ADAMTS2: variants seen among roughly 807,000 people sequenced by gnomAD.
ADAMTS2 encodes ADAM metallopeptidase with thrombospondin type 1 motif 2.
ADAMTS2 carries 50 observed loss-of-function variants against 123.0 expected under a neutral mutation model. That is an observed-to-expected ratio of 0.41 (90% confidence interval 0.32 to 0.51). The LOEUF (loss-of-function observed/expected upper bound fraction) is 0.51, where lower values mean the gene tolerates loss of function less well. ADAMTS2 is among the 20% of genes least tolerant of loss of function. The pLI, the probability that ADAMTS2 is intolerant of heterozygous loss-of-function variation, is 0.35. For missense variants in ADAMTS2, 1,494 were observed against 1,705.2 expected, an observed-to-expected ratio of 0.88 and a Z score of 2.18; for synonymous variants, 678 against 695.4, an observed-to-expected ratio of 0.98 and a Z score of 0.39.
At chr5:179,261,493 C>T (rs35932911) in intron 3 of ADAMTS2, among the ~76,000 whole-genome samples, 5,968 of 152,242 alleles carry the variant, frequency 0.039, 153 homozygotes, top group East Asian at 0.11. Context: ...GGCTCGAGCG[C>T]GTCTGGGCTG....
rs568040559 is a variant in ADAMTS2, at chr5:179,345,258, G to GGCA, written c.68_70dup (p.Leu23dup). On this transcript the variant is annotated inframe_insertion, in exon 1 of 22. Coordinates refer to ENST00000251582, the MANE Select transcript of ADAMTS2 (RefSeq NM_014244.5). The surrounding 1 kb of genome is among the most constrained non-coding windows in gnomAD (Gnocchi z 7.5). ...CGGCGGCGGCGGCAGGAGCGGCGGCGGCAGCAGCAGCAGCAGCAGCAGCAG... is the reference window on the plus strand; with the variant it reads ...CGGCGGCGGCGGCAGGAGCGGCGGCGGCAGCAGCAGCAGCAGCAGCAGCAGCAG... 0.14 allele frequency: 162,244 copies of GGCA among 1,134,850 alleles called. 8,203 individuals carry two copies. The highest frequency in any genetic ancestry group is 0.3 in the East Asian group (6,313 of 20,714). The allele number at this position is 1,134,850 out of a possible 1,614,324, so 70.3% of individuals were successfully genotyped here.
chr5:179,331,148 G>A (rs1757465585), intron 2 of ADAMTS2, among the ~76,000 whole-genome samples: 1 of 151,290 alleles, frequency 6.6e-6, no homozygotes, highest in Admixed American at 6.6e-5. Context: ...TACAGGTGCA[G>A]AGTGCAGCTG....
At chr5:179,229,504 G>A (rs571127807) in intron 3 of ADAMTS2, among the ~76,000 whole-genome samples, 10 of 151,568 alleles carry the variant, frequency 6.6e-5, no homozygotes, top group East Asian at 3.9e-4. Context: ...GCCCATTCCC[G>A]ACGGAGAGGT....
chr5:179,229,463 G>A (rs567092469), intron 3 of ADAMTS2, among the ~76,000 whole-genome samples: 13 of 126,014 alleles, frequency 1.0e-4, no homozygotes, highest in African/African-American at 3.7e-4. Context: ...ACGAGACCCT[G>A]CTGCCCACTC....
At chr5:179,144,429 A>T (rs1374799481) in intron 10 of ADAMTS2, among the ~76,000 whole-genome samples, 1 of 152,218 alleles carries the variant, frequency 6.6e-6, no homozygotes, top group Non-Finnish European at 1.5e-5. Flanking sequence ...CCTAAAATTC[A>T]TATGGAAAGT....
rs1008556877 is a variant in ADAMTS2 at position 179,130,454 on chromosome 5, G to T, written c.2291-356C>A. Among the ~76,000 whole-genome samples the T allele has an allele frequency of 6.6e-6, 1 of 152,234 alleles. No homozygotes were observed. Among genetic ancestry groups the T allele is most frequent in the Admixed American group, 6.5e-5 (1 of 15,286 alleles). On this transcript the variant is annotated intron_variant, in intron 15 of 21. Coordinates refer to ENST00000251582, the MANE Select transcript of ADAMTS2 (RefSeq NM_014244.5). This position sits in a 1 kb window ranked among gnomAD's most constrained non-coding sequence, Gnocchi z 4.3. ...CACCCGGGGCAGGATGGCTGGGAGG[G>T]GTCTGTACGCGGTGCAGGGCATCTG... is the stretch of plus-strand genomic sequence containing the variant.
At chr5:179,254,756 G>C (rs980312614) in intron 3 of ADAMTS2, among the ~76,000 whole-genome samples, 1 of 152,180 alleles carries the variant, frequency 6.6e-6, no homozygotes, top group Admixed American at 6.5e-5. Context: ...AATATATTTT[G>C]GCTGAAAGAA....
chr5:179,220,277 G>C (rs1765096854), intron 3 of ADAMTS2, among the ~76,000 whole-genome samples: 1 of 152,214 alleles, frequency 6.6e-6, no homozygotes. Context: ...ACGCAGAGGA[G>C]GTGGGGGCCG....
At chr5:179,291,473 C>G (rs1430105188) in intron 2 of ADAMTS2, among the ~76,000 whole-genome samples, 1 of 152,182 alleles carries the variant, frequency 6.6e-6, no homozygotes, top group Non-Finnish European at 1.5e-5. Flanking sequence ...TTCCCGTGTC[C>G]TCTCTTGCCT....
intron 10 of ADAMTS2, among the ~76,000 whole-genome samples, chr5:179,144,639 A>G (rs1763224296): frequency 1.3e-5 from 2 of 152,246 alleles, no homozygotes. Context: ...TGACAATTCA[A>G]TGGAAAAGGA....
chr5:179,156,398 C>T (rs551530241), intron 6 of ADAMTS2, among the ~76,000 whole-genome samples: 25 of 150,040 alleles, frequency 1.7e-4, no homozygotes, highest in African/African-American at 5.7e-4. Context: ...CTCACTCTGC[C>T]GTCCAGGCTG....
chr5:179,178,934 T>C (rs528010255), intron 5 of ADAMTS2, among the ~76,000 whole-genome samples: 1 of 152,330 alleles, frequency 6.6e-6, no homozygotes, highest in East Asian at 1.9e-4. Flanking sequence ...TTTATTAGTG[T>C]TCCAAATAGT....
chr5:179,300,108 A>AG (rs1178643479), intron 2 of ADAMTS2, among the ~76,000 whole-genome samples: 1 of 151,586 alleles, frequency 6.6e-6, no homozygotes, highest in South Asian at 2.1e-4. Flanking sequence ...AAAAAAAAAA[A>AG]AAAAAGAAGA....
chr5:179,206,856 A>G (rs1764709727), intron 4 of ADAMTS2, among the ~76,000 whole-genome samples: 1 of 152,168 alleles, frequency 6.6e-6, no homozygotes, highest in Admixed American at 6.5e-5. Context: ...TCTTAGTGTT[A>G]GGCAGACCAT....
chr5:179,280,468 A>G (rs936236008), intron 2 of ADAMTS2, among the ~76,000 whole-genome samples: 2 of 152,206 alleles, frequency 1.3e-5, no homozygotes, highest in African/African-American at 2.4e-5. Flanking sequence ...CTGTTTATTC[A>G]TCACCCCAAA....
chr5:179,130,690 C>T lies in ADAMTS2; in HGVS notation c.2291-592G>A, dbSNP rs1246173849. The stretch of plus-strand genomic sequence containing the variant: ...GAGGACCTGGCTAGCCAGGAAGCCC[C>T]ATGCTCTCTGCAGTGTGGGGGGTGG... On this transcript the variant is annotated intron_variant, in intron 15 of 21. Transcript: ENST00000251582. This position sits in a 1 kb window ranked among gnomAD's most constrained non-coding sequence, Gnocchi z 4.3. Among the ~76,000 whole-genome samples the T allele has an allele frequency of 1.3e-5, 2 of 152,192 alleles. No homozygotes were observed. The highest frequency in any genetic ancestry group is 4.8e-5 in the African/African-American group (2 of 41,452).
At chr5:179,196,020 C>T (rs6882867) in intron 4 of ADAMTS2, among the ~76,000 whole-genome samples, 5,107 of 152,304 alleles carry the variant, frequency 0.034, 120 homozygotes, top group Non-Finnish European at 0.051. Flanking sequence ...GGCCAGTTTA[C>T]GAGATTTCCA....
intron 2 of ADAMTS2, among the ~76,000 whole-genome samples, chr5:179,301,187 G>T (rs1756506822): frequency 6.6e-6 from 1 of 151,442 alleles, no homozygotes; most frequent in South Asian, 2.1e-4. Context: ...AGAGGGCATT[G>T]CTCAGGGGCC....
intron 2 of ADAMTS2, among the ~76,000 whole-genome samples, chr5:179,330,653 T>C (rs1243848334): frequency 2.0e-5 from 3 of 152,088 alleles, no homozygotes; most frequent in Non-Finnish European, 2.9e-5. Context: ...CTCCATTCAC[T>C]CCCAGACGGA....
Sources: gnomAD v4.1 joint callset for allele counts (sites outside exome capture counted in the v4.1 genomes callset) on GRCh38, gnomAD v4.1.1 for gene constraint, Gnocchi (gnomAD v3.1) non-coding constraint, MANE v1.5 for transcripts, NCBI Gene and HGNC (gene_info 2026-07-23, HGNC 2026-07-21) for gene names.